FBXL7: variants seen among roughly 807,000 people sequenced by gnomAD.
FBXL7 encodes the protein F-box/LRR-repeat protein 7.
A neutral mutation model predicts 38.3 loss-of-function variants in FBXL7; 12 were observed. That is an observed-to-expected ratio of 0.31 (90% CI 0.20 to 0.51). The LOEUF (loss-of-function observed/expected upper bound fraction) is 0.51, where lower values mean the gene tolerates loss of function less well. Ranked by LOEUF, FBXL7 falls within the 20% of genes least tolerant of loss-of-function variation. The probability of loss-of-function intolerance (pLI) is 0.98; values close to 1 mark genes in which losing one functional copy is unlikely to be tolerated. For synonymous variants in FBXL7, 297 were observed against 300.9 expected, an observed-to-expected ratio of 0.99 and a Z score of 0.13; for missense variants, 567 against 676.4, an observed-to-expected ratio of 0.84 and a Z score of 1.79.
intron 2 of FBXL7, among the ~76,000 whole-genome samples, chr5:15,656,016 T>C (rs1741870001): frequency 6.6e-6 from 1 of 152,232 alleles, no homozygotes; most frequent in Admixed American, 6.5e-5. Flanking sequence ...TGCTGCCGTG[T>C]GTGTAATCCA....
At position 15,500,525 on chromosome 5, in the gene FBXL7, G is replaced by T. The variant is rs1736458623; in HGVS notation, c.-152G>T. On this transcript the variant is annotated 5_prime_UTR_variant, in exon 1 of 4. Coordinates refer to ENST00000504595, the MANE Select transcript of FBXL7 (RefSeq NM_012304.5). ...GCAGCACCCCCTCCCACTGGAGTGC[G>T]GGGACCTCTCCAGGCCGGAGGTCGG... 9.8e-7 allele frequency: 1 copy of T among 1,021,262 alleles called. No homozygotes were observed. Among genetic ancestry groups the T allele is most frequent in the East Asian group, 2.4e-5 (1 of 41,076 alleles). 63.3% of individuals were successfully genotyped at this position (1,021,262 alleles called of 1,614,324 possible).
chr5:15,704,788 A>G (rs369358256), intron 2 of FBXL7, among the ~76,000 whole-genome samples: 25 of 152,322 alleles, frequency 1.6e-4, no homozygotes, highest in African/African-American at 5.8e-4. Context: ...GAAATGTGGT[A>G]TAAGTTACTA....
intron 2 of FBXL7, among the ~76,000 whole-genome samples, chr5:15,775,257 G>T (rs1429474971): frequency 6.6e-6 from 1 of 152,036 alleles, no homozygotes. Flanking sequence ...TTAGAGTTGG[G>T]TTTTTTGTTA....
At chr5:15,786,176 G>C (rs763859595) in intron 2 of FBXL7, among the ~76,000 whole-genome samples, 1 of 152,134 alleles carries the variant, frequency 6.6e-6, no homozygotes, top group Non-Finnish European at 1.5e-5. Context: ...CGTTTCTACC[G>C]GTGGGTGAAT....
At chr5:15,540,159 T>A (rs1737704285) in intron 1 of FBXL7, among the ~76,000 whole-genome samples, 1 of 152,222 alleles carries the variant, frequency 6.6e-6, no homozygotes, top group Non-Finnish European at 1.5e-5. Flanking sequence ...TAACCTTCTG[T>A]TCTTGTCCCT....
intron 2 of FBXL7, among the ~76,000 whole-genome samples, chr5:15,893,900 G>C (rs945819058): frequency 1.4e-4 from 22 of 152,208 alleles, no homozygotes; most frequent in Admixed American, 7.9e-4. Flanking sequence ...CTCCAATCCA[G>C]GCAGAAGTCC....
At chr5:15,564,103 C>T (rs1738493796) in intron 1 of FBXL7, among the ~76,000 whole-genome samples, 1 of 151,980 alleles carries the variant, frequency 6.6e-6, no homozygotes, top group African/African-American at 2.4e-5. Flanking sequence ...ATATACTGAA[C>T]CATTTGGTTA....
intron 2 of FBXL7, among the ~76,000 whole-genome samples, chr5:15,729,001 A>T (rs1171852950): frequency 1.3e-5 from 2 of 152,142 alleles, no homozygotes; most frequent in African/African-American, 4.8e-5. Flanking sequence ...ATGATGATTG[A>T]CTTATTGGTG....
intron 1 of FBXL7, among the ~76,000 whole-genome samples, chr5:15,584,048 A>C (rs55688478): frequency 0.057 from 8,750 of 152,232 alleles, 357 homozygotes; most frequent in Non-Finnish European, 0.082. Context: ...CACTCTCTGA[A>C]GCAGTGGCTC....
At chr5:15,539,625 G>A (rs145904198) in intron 1 of FBXL7, among the ~76,000 whole-genome samples, 18 of 152,128 alleles carry the variant, frequency 1.2e-4, no homozygotes, top group African/African-American at 4.3e-4. Flanking sequence ...ATTTTAAGAG[G>A]GTATGGGCTG....
intron 1 of FBXL7, among the ~76,000 whole-genome samples, chr5:15,525,769 T>C (rs1023093529): frequency 1.3e-5 from 2 of 152,230 alleles, no homozygotes; most frequent in Admixed American, 1.3e-4. Context: ...TTTGAACAAT[T>C]TGAGCTTTGT....
At chr5:15,772,882 A>G (rs1401597377) in intron 2 of FBXL7, among the ~76,000 whole-genome samples, 1 of 150,668 alleles carries the variant, frequency 6.6e-6, no homozygotes, top group Non-Finnish European at 1.5e-5. Flanking sequence ...ACTCAGAGCT[A>G]TGAAAATTGT....
chr5:15,846,247 T>G (rs934357441), intron 2 of FBXL7, among the ~76,000 whole-genome samples: 9 of 152,250 alleles, frequency 5.9e-5, no homozygotes, highest in African/African-American at 2.2e-4. Context: ...TAAATTCATC[T>G]CATCTTCTAA....
intron 2 of FBXL7, among the ~76,000 whole-genome samples, chr5:15,857,616 C>T (rs1179591467): frequency 1.3e-5 from 2 of 152,092 alleles, no homozygotes; most frequent in Admixed American, 6.5e-5. Context: ...ATAAGAGAGC[C>T]GTAGGCACCA....
intron 2 of FBXL7, among the ~76,000 whole-genome samples, chr5:15,744,687 T>C (rs549098622): frequency 1.4e-4 from 21 of 152,316 alleles, no homozygotes; most frequent in Admixed American, 1.2e-3. Context: ...CTCTCTGTTG[T>C]AGCAATTTAG....
At position 15,727,449 on chromosome 5, in the gene FBXL7, C is replaced by T. The variant is rs535353273; in HGVS notation, c.127+111377C>T. Reference sequence around the variant, plus strand: ...GGGGAATGTCTTCATTTCTTCCTCACTTTTGAAGGGCAGTTTTGCCAGATA... The same window carrying T: ...GGGGAATGTCTTCATTTCTTCCTCATTTTTGAAGGGCAGTTTTGCCAGATA... On this transcript the variant is annotated intron_variant, in intron 2 of 3. Transcript: ENST00000504595. Among the ~76,000 whole-genome samples the T allele has an allele frequency of 3.9e-5, 6 of 152,270 alleles. No homozygotes were observed. In the South Asian group the frequency reaches 1.2e-3, roughly 32 times the overall value.
chr5:15,710,607 C>G (rs1224505346), intron 2 of FBXL7, among the ~76,000 whole-genome samples: 1 of 152,160 alleles, frequency 6.6e-6, no homozygotes, highest in Non-Finnish European at 1.5e-5. Flanking sequence ...AGGTAAGCTC[C>G]ATGAATGCAT....
chr5:15,615,046 G>A (rs1310005112), intron 1 of FBXL7, among the ~76,000 whole-genome samples: 2 of 152,152 alleles, frequency 1.3e-5, no homozygotes, highest in South Asian at 2.1e-4. Flanking sequence ...GAGATGATGC[G>A]GACATGGATA....
intron 2 of FBXL7, among the ~76,000 whole-genome samples, chr5:15,811,624 A>G (rs1737862651): frequency 2.0e-5 from 3 of 152,054 alleles, no homozygotes; most frequent in Non-Finnish European, 4.4e-5. Context: ...ACAGTGTTCC[A>G]TGCTTAAACA....
Sources: gnomAD v4.1 joint callset for allele counts (sites outside exome capture counted in the v4.1 genomes callset) on GRCh38, gnomAD v4.1.1 for gene constraint, MANE v1.5 for transcripts, NCBI Gene and HGNC (gene_info 2026-07-23, HGNC 2026-07-21) for gene names.